The following MAPK6 variants were observed in gnomAD, a reference collection of about 807,000 sequenced individuals.
The protein encoded by MAPK6 is mitogen-activated protein kinase 6.
A neutral mutation model predicts 59.3 loss-of-function variants in MAPK6; 19 were observed. The ratio of observed to expected loss-of-function variants is 0.32; its 90% CI spans 0.22 to 0.47. The LOEUF is 0.47. Ranked by LOEUF, MAPK6 falls within the 20% of genes least tolerant of loss-of-function variation. The probability of loss-of-function intolerance (pLI) is 1.00; values close to 1 mark genes in which losing one functional copy is unlikely to be tolerated. For synonymous variants in MAPK6, 316 were observed against 290.3 expected (o/e 1.09, Z -0.90); for missense variants, 724 against 847.9 (o/e 0.85, Z 1.81).
At chr15:52,061,816 T>C (rs1431328353) in intron 5 of MAPK6, among the ~76,000 whole-genome samples, 1 of 152,144 alleles carries the variant, frequency 6.6e-6, no homozygotes, top group Non-Finnish European at 1.5e-5. Context: ...TATCTATAAA[T>C]AGCCGTTAAT....
chr15:52,053,070 G>GT (rs140172832), intron 3 of MAPK6, among the ~76,000 whole-genome samples: 8,720 of 125,320 alleles, frequency 0.07, 462 homozygotes, highest in African/African-American at 0.11. Context: ...TCTCATTGTG[G>GT]TTTTTTTTTT....
At chr15:51,997,917 TTCTTTCTC>T (rs1369883012) in intron 2 of MAPK6, among the ~76,000 whole-genome samples, 1 of 146,588 alleles carries the variant, frequency 6.8e-6, no homozygotes, top group East Asian at 2.0e-4. Context: ...TTTCTTTTCT[TTCTTTCTC>T]TTTCTTTCTT....
chr15:52,043,742 A>ATTTTTTTTTTTTTTTTTT (rs71130125), intron 1 of MAPK6, among the ~76,000 whole-genome samples: 1 of 40,658 alleles, frequency 2.5e-5, no homozygotes, highest in Non-Finnish European at 4.4e-5. Context: ...AAGTTGTTTG[A>ATTTTTTTTTTTTTTTTTT]TTTTTTTTTT....
chr15:52,019,974 A>G (rs1026559240), intron 1 of MAPK6: 1 of 152,570 alleles, frequency 6.6e-6, no homozygotes, highest in Admixed American at 6.5e-5. Context: ...CGCAGCGCTC[A>G]CCCGGCTCGT....
At chr15:51,988,741 T>TACACAC (rs35976962) in intron 2 of MAPK6, among the ~76,000 whole-genome samples, 3,619 of 145,652 alleles carry the variant, frequency 0.025, 143 homozygotes, top group African/African-American at 0.087. Context: ...AAAAAAAAAA[T>TACACAC]ACACACACAC....
chr15:51,981,146 C>A (rs2057171566), intron 1 of MAPK6, among the ~76,000 whole-genome samples: 1 of 151,612 alleles, frequency 6.6e-6, no homozygotes, highest in South Asian at 2.1e-4. Context: ...CAAATATAAG[C>A]TTGGAAAAGG....
intron 1 of MAPK6, chr15:52,024,462 A>T (rs1018901587): frequency 1.2e-4 from 18 of 149,542 alleles, no homozygotes; most frequent in African/African-American, 4.2e-4. Context: ...GTGCAGTGGC[A>T]CGATCTTGGC....
rs1300888174 is a variant in MAPK6 at position 52,064,505 on chromosome 15, G to A, written c.1671G>A (p.Val557=). 6.2e-7 allele frequency: 1 copy of A among 1,609,688 alleles called. No individual in the cohort carries two copies. The highest frequency in any genetic ancestry group is 8.5e-7 in the Non-Finnish European group (1 of 1,178,916). The change falls in exon 6 of 6, where the codon GTG becomes GTA. Residue 557 remains valine, a synonymous_variant. Transcript: ENST00000261845. ...AATTAAATGACTTGAATAGCTCAGTGTCCCAACTAGAATTGAAAAGTTTGA... is the reference window on the plus strand; with the variant it reads ...AATTAAATGACTTGAATAGCTCAGTATCCCAACTAGAATTGAAAAGTTTGA... ...VDKLNDLNSS[V]SQLELKSLIS... is the part of the protein sequence containing the mutation.
intron 1 of MAPK6, among the ~76,000 whole-genome samples, chr15:51,978,043 A>G (rs2057162178): frequency 6.6e-6 from 1 of 151,950 alleles, no homozygotes; most frequent in South Asian, 2.1e-4. Flanking sequence ...GTCCACCAAA[A>G]TGAGGTGGTC....
chr15:52,044,063 C>T (rs538145427), intron 1 of MAPK6, among the ~76,000 whole-genome samples: 31 of 152,080 alleles, frequency 2.0e-4, no homozygotes, highest in South Asian at 1.5e-3. Flanking sequence ...CGTGAGCCAC[C>T]GTGTCCGGCC....
intron 1 of MAPK6, among the ~76,000 whole-genome samples, chr15:52,036,430 C>G (rs750565006): frequency 6.6e-6 from 1 of 152,054 alleles, no homozygotes; most frequent in Non-Finnish European, 1.5e-5. Context: ...AGTCTGATAC[C>G]ATGGTGCCGG....
chr15:52,055,665 G>A (rs2031951447), intron 3 of MAPK6, among the ~76,000 whole-genome samples: 1 of 152,066 alleles, frequency 6.6e-6, no homozygotes, highest in Non-Finnish European at 1.5e-5. Flanking sequence ...ATAGGTGCAT[G>A]CCTCCATGCC....
chr15:52,024,217 T>TG (rs1454404210), intron 1 of MAPK6, among the ~76,000 whole-genome samples: 1 of 152,130 alleles, frequency 6.6e-6, no homozygotes, highest in Non-Finnish European at 1.5e-5. Flanking sequence ...GCTTCATTCA[T>TG]GTACATCGTT....
At chr15:52,012,370 G>C (rs1475000189) in intron 3 of MAPK6, among the ~76,000 whole-genome samples, 1 of 152,130 alleles carries the variant, frequency 6.6e-6, no homozygotes, top group Non-Finnish European at 1.5e-5. Context: ...GAATAGCATA[G>C]GTGTGGTACC....
chr15:52,001,521 T>TC (rs2057241886), intron 2 of MAPK6, among the ~76,000 whole-genome samples: 1 of 150,156 alleles, frequency 6.7e-6, no homozygotes, highest in Non-Finnish European at 1.5e-5. Context: ...TTTTTTTTTT[T>TC]TTTTTCAGAT....
chr15:52,064,013 A>T lies in MAPK6; in HGVS notation c.1179A>T (p.Glu393Asp). 6.2e-7 allele frequency: 1 copy of T among 1,613,842 alleles called. No homozygotes were observed. The highest frequency in any genetic ancestry group is 8.5e-7 in the Non-Finnish European group (1 of 1,179,812). ...RALSDVTDEEEVQVDPRKYLD... is the reference protein window; with the variant it reads ...RALSDVTDEEDVQVDPRKYLD... ...TGTCCGATGTCACTGATGAAGAAGA[A>T]GTACAAGTTGATCCCCGAAAATATT... The change falls in exon 6 of 6, where the codon GAA (glutamate) becomes GAT (aspartate). Residue 393 changes from glutamate (E) to aspartate (D), a missense_variant. Coordinates refer to ENST00000261845, the MANE Select transcript of MAPK6 (RefSeq NM_002748.4).
At chr15:52,021,803 A>G (rs543562725) in intron 1 of MAPK6, among the ~76,000 whole-genome samples, 1 of 152,308 alleles carries the variant, frequency 6.6e-6, no homozygotes, top group East Asian at 1.9e-4. Flanking sequence ...AAACATAATT[A>G]TATATTGTGC....
chr15:52,016,107 C>CACACACACACACACACACACACACACAA (rs1267339787), upstream of MAPK6, among the ~76,000 whole-genome samples: 4 of 136,208 alleles, frequency 2.9e-5, no homozygotes, highest in African/African-American at 1.1e-4. Flanking sequence ...CACACACACA[C>CACACACACACACACACACACACACACAA]AAACTAAAAC....
At chr15:52,058,119 A>AC (rs1349183505) in intron 3 of MAPK6, among the ~76,000 whole-genome samples, 1 of 152,178 alleles carries the variant, frequency 6.6e-6, no homozygotes, top group African/African-American at 2.4e-5. Flanking sequence ...AAAAGTCACC[A>AC]CCTATTTAGC....
Sources: allele counts gnomAD v4.1 joint callset (sites outside exome capture counted in the v4.1 genomes callset), GRCh38; gene constraint gnomAD v4.1.1; transcripts MANE v1.5; gene names NCBI Gene and HGNC (gene_info 2026-07-23, HGNC 2026-07-21).